Variants in SMAD9 observed in about 807,000 individuals in gnomAD.
SMAD9 encodes the protein SMAD family member 9.
SMAD9 carries 36 observed loss-of-function variants against 46.1 expected under a neutral mutation model. The observed-to-expected ratio is 0.78, with a 90% confidence interval of 0.60 to 1.03. The LOEUF is 1.03. Among genes scored for constraint, SMAD9 ranks in the 50% least tolerant of loss-of-function variants. The pLI is 0.00. For missense variants in SMAD9, 572 were observed against 599.8 expected (o/e 0.95, Z 0.48); for synonymous variants, 245 against 237.1 (o/e 1.03, Z -0.31).
chr13:36,867,480 G>C, intron 3 of SMAD9, 97 bp from the exon 4 acceptor site: 1 of 751,876 alleles, frequency 1.3e-6, no homozygotes, highest in South Asian at 1.8e-5. Flanking sequence ...CCTGAGCTTG[G>C]TGGACAGTGC....
chr13:36,876,065 AT>A (rs1412340687), intron 2 of SMAD9, among the ~76,000 whole-genome samples: 8 of 152,236 alleles, frequency 5.3e-5, no homozygotes, highest in South Asian at 2.1e-4. Context: ...TAATTACTTA[AT>A]TCCACTTCCA....
Position 36,872,715 on chromosome 13 carries a change from T to C in SMAD9, c.613A>G (p.Ser205Gly), listed in dbSNP as rs2138435888. Residue 205 changes from serine to glycine, a missense_variant, in exon 3 of 7, where the codon AGC (serine) becomes GGC (glycine). Physicochemically the swap from Ser to Gly is moderately conservative, Grantham distance 56 (BLOSUM62 0). Transcript: ENST00000379826. The stretch of plus-strand genomic sequence containing the variant: ...GGACTTCCTGGGGAGTGAGGGTAGC[T>C]GGCCGTGCACGGGGACTGGGAGAAC... ...HAFSQSPCTA[S>G]YPHSPGSPSE... The C allele has an allele frequency of 6.2e-7, 1 of 1,613,998 alleles. No individual in the cohort carries two copies. The highest frequency in any genetic ancestry group is 8.5e-7 in the Non-Finnish European group (1 of 1,179,998).
chr13:36,917,662 A>G (rs1395430080), intron 1 of SMAD9, among the ~76,000 whole-genome samples: 1 of 152,352 alleles, frequency 6.6e-6, no homozygotes, highest in African/African-American at 2.4e-5. Flanking sequence ...GAAAAACCAC[A>G]TATTTGTCAT....
At chr13:36,906,571 A>G (rs1183773336) in intron 1 of SMAD9, among the ~76,000 whole-genome samples, 3 of 152,154 alleles carry the variant, frequency 2.0e-5, no homozygotes, top group Non-Finnish European at 4.4e-5. Context: ...AAACCACCCA[A>G]TTCAAAAGAG....
chr13:36,857,941 G>A (rs1278473594), intron 5 of SMAD9, among the ~76,000 whole-genome samples: 1 of 152,004 alleles, frequency 6.6e-6, no homozygotes, highest in Non-Finnish European at 1.5e-5. Flanking sequence ...GAAGCTTTAA[G>A]AAAATATATA....
intron 3 of SMAD9, among the ~76,000 whole-genome samples, chr13:36,868,393 T>A (rs1323807951): frequency 6.6e-6 from 1 of 152,236 alleles, no homozygotes; most frequent in Non-Finnish European, 1.5e-5. Flanking sequence ...GAAAAAGTTA[T>A]AAGGCAAGAT....
At chr13:36,909,045 C>A (rs1048234712) in intron 1 of SMAD9, among the ~76,000 whole-genome samples, 1 of 152,196 alleles carries the variant, frequency 6.6e-6, no homozygotes, top group East Asian at 1.9e-4. Context: ...AAATACAGTT[C>A]TCTTGGCCAC....
At chr13:36,872,375 A>AG (rs909841286) in intron 3 of SMAD9, among the ~76,000 whole-genome samples, 1 of 150,790 alleles carries the variant, frequency 6.6e-6, no homozygotes, top group African/African-American at 2.4e-5. Context: ...ACTGCCTTAA[A>AG]AAAAAAAATC....
chr13:36,919,319 T>G (rs1247397297), intron 1 of SMAD9, among the ~76,000 whole-genome samples: 1 of 151,870 alleles, frequency 6.6e-6, no homozygotes, highest in East Asian at 1.9e-4. Context: ...CGTCAGGCAG[T>G]CTCCTGTATC....
chr13:36,920,386 G>A (rs887746357), upstream of SMAD9: 1 of 150,896 alleles, frequency 6.6e-6, no homozygotes, highest in African/African-American at 2.4e-5. Context: ...CCGGCGGGGG[G>A]CGGGAGCGAG....
At chr13:36,909,774 G>C (rs975249849) in intron 1 of SMAD9, among the ~76,000 whole-genome samples, 4 of 152,220 alleles carry the variant, frequency 2.6e-5, no homozygotes, top group Non-Finnish European at 5.9e-5. Flanking sequence ...CAGAAGTACT[G>C]AGGGGATGTG....
intron 1 of SMAD9, among the ~76,000 whole-genome samples, chr13:36,910,844 G>T (rs901448917): frequency 6.6e-6 from 1 of 152,134 alleles, no homozygotes; most frequent in African/African-American, 2.4e-5. Flanking sequence ...CCCAGATTTG[G>T]TAAGTGTTTT....
rs1347763986 is a variant in SMAD9, at chr13:36,853,448, T to C, written c.1231A>G (p.Met411Val). 6.2e-7 allele frequency: 1 copy of C among 1,614,074 alleles called. No homozygotes were observed. Among genetic ancestry groups the C allele is most frequent in the South Asian group, 1.1e-5 (1 of 91,084 alleles). Reference sequence around the variant, plus strand: ...ACAAAACTCATCCGGATAGTACACATCTTGGTCAGTTCATACACGACTTCA... The same window carrying C: ...ACAAAACTCATCCGGATAGTACACACCTTGGTCAGTTCATACACGACTTCA... ...GFEVVYELTK[M>V]CTIRMSFVKG... The change falls in exon 6 of 7, where the codon ATG becomes GTG. Residue 411 changes from methionine to valine, a missense_variant. Met to Val is a conservative substitution (Grantham distance 21). Transcript: ENST00000379826.
intron 6 of SMAD9, chr13:36,849,478 T>C (rs2058057762): frequency 6.6e-6 from 1 of 152,192 alleles, no homozygotes; most frequent in South Asian, 2.1e-4. Context: ...CTGTAGAGTT[T>C]TTTAAAACTT....
chr13:36,856,471 C>T (rs2058125973), intron 5 of SMAD9, among the ~76,000 whole-genome samples: 1 of 152,150 alleles, frequency 6.6e-6, no homozygotes, highest in Non-Finnish European at 1.5e-5. Flanking sequence ...CGTCCAGCAT[C>T]CAGAGAGAGA....
chr13:36,896,226 G>A (rs1043776484), intron 1 of SMAD9, among the ~76,000 whole-genome samples: 7 of 151,788 alleles, frequency 4.6e-5, no homozygotes, highest in African/African-American at 4.8e-5. Flanking sequence ...TCTGCCTCCC[G>A]GGCTCAAGCA....
intron 1 of SMAD9, among the ~76,000 whole-genome samples, chr13:36,899,475 G>A (rs2058555954): frequency 6.6e-6 from 1 of 152,122 alleles, no homozygotes; most frequent in Admixed American, 6.5e-5. Flanking sequence ...TATTGACTAG[G>A]AATCAATAAA....
At chr13:36,867,491 T>C in intron 3 of SMAD9, 108 bp from the exon 4 acceptor site, 2 of 677,386 alleles carry the variant, frequency 3.0e-6, no homozygotes, top group Non-Finnish European at 5.1e-6. Flanking sequence ...TGGACAGTGC[T>C]ACTCCTACAG....
chr13:36,893,423 T>TATATAA lies in SMAD9; in HGVS notation c.-186-13554_-186-13549dup, dbSNP rs60866437. On this transcript the variant is annotated intron_variant, in intron 1 of 6. Transcript: ENST00000379826. ...ATATATTTCCCCCTTCACAGATATA[T>TATATAA]ATATAAATATAAATATAAATATATA... is the stretch of plus-strand genomic sequence containing the variant. Among the ~76,000 whole-genome samples the TATATAA allele has an allele frequency of 2.3e-4, 34 of 147,394 alleles. No homozygotes were observed. The East Asian group carries it at 5.5e-3, about 24-fold the overall frequency.
Sources: gnomAD v4.1 joint callset for allele counts (sites outside exome capture counted in the v4.1 genomes callset) on GRCh38, gnomAD v4.1.1 for gene constraint, MANE v1.5 for transcripts, NCBI Gene and HGNC (gene_info 2026-07-23, HGNC 2026-07-21) for gene names.